Variants in PEAK1 observed in about 807,000 individuals in gnomAD.
The protein encoded by PEAK1 is pseudopodium enriched atypical kinase 1.
PEAK1 carries 54 observed loss-of-function variants against 124.7 expected under a neutral mutation model. That is an observed-to-expected ratio of 0.43 (90% confidence interval 0.35 to 0.54). The LOEUF (loss-of-function observed/expected upper bound fraction) is 0.54. Ranked by LOEUF, PEAK1 falls within the 20% of genes least tolerant of loss-of-function variation. The pLI is 0.01. For synonymous variants in PEAK1, 719 were observed against 760.0 expected (o/e 0.95, Z 0.89); for missense variants, 2,046 against 2,134.5 (o/e 0.96, Z 0.82).
intron 7 of PEAK1, among the ~76,000 whole-genome samples, chr15:77,172,343 C>T (rs2056568340): frequency 6.6e-6 from 1 of 152,178 alleles, no homozygotes; most frequent in African/African-American, 2.4e-5. Flanking sequence ...AACCATCAAT[C>T]TCATCAGAAG....
At position 77,112,684 on chromosome 15, in the gene PEAK1, C is replaced by G; in HGVS notation, c.*1472G>C. On this transcript the variant is annotated 3_prime_UTR_variant, in exon 10 of 10. Coordinates refer to ENST00000682557, the MANE Select transcript of PEAK1 (RefSeq NM_001385026.1). Reference sequence around the variant, plus strand: ...ATACACACACACACACACACACACACACACACACACACACACACACAACCC... The same window carrying G: ...ATACACACACACACACACACACACAGACACACACACACACACACACAACCC... 1 of 151,826 alleles carries G rather than the reference C, an allele frequency of 6.6e-6. No individual in the cohort carries two copies. Among genetic ancestry groups the G allele is most frequent in the Admixed American group, 6.6e-5 (1 of 15,212 alleles). The allele number at this position is 151,826 out of a possible 1,614,324, so 9.4% of individuals were successfully genotyped here.
intron 8 of PEAK1, 148 bp downstream of exon 8, chr15:77,158,355 T>G (rs2055338229): frequency 8.5e-6 from 6 of 708,936 alleles, no homozygotes; most frequent in Admixed American, 2.7e-5. Flanking sequence ...TCAGAACGTT[T>G]TTCTGATGTG....
At chr15:77,339,487 C>A (rs1417469515) in intron 2 of PEAK1, among the ~76,000 whole-genome samples, 3 of 152,088 alleles carry the variant, frequency 2.0e-5, no homozygotes, top group Admixed American at 6.6e-5. Flanking sequence ...AAAATTCACA[C>A]AAAATTAAAT....
At chr15:77,175,411 AAAC>A (rs1419017432) in intron 7 of PEAK1, among the ~76,000 whole-genome samples, 4 of 151,744 alleles carry the variant, frequency 2.6e-5, no homozygotes, top group East Asian at 1.9e-4. Context: ...TACAAGAAAA[AAAC>A]AAACAACCCC....
chr15:77,178,601 C>A (rs1596481742), intron 7 of PEAK1, 189 bp downstream of exon 7: 2 of 640,228 alleles, frequency 3.1e-6, no homozygotes, highest in Middle Eastern at 4.3e-4. Flanking sequence ...GGCTATAAAC[C>A]TTGTTCAGTG....
chr15:77,368,823 T>A (rs894496198), intron 1 of PEAK1, among the ~76,000 whole-genome samples: 2 of 152,156 alleles, frequency 1.3e-5, no homozygotes, highest in Non-Finnish European at 2.9e-5. Context: ...GGGGACTATA[T>A]GCACTAACTT....
chr15:77,366,342 G>T (rs1336975384), intron 1 of PEAK1, among the ~76,000 whole-genome samples: 1 of 152,162 alleles, frequency 6.6e-6, no homozygotes, highest in African/African-American at 2.4e-5. Flanking sequence ...CAACCCTGCT[G>T]ACATGTATTA....
intron 6 of PEAK1, among the ~76,000 whole-genome samples, chr15:77,184,770 G>T (rs2057454990): frequency 6.6e-6 from 1 of 152,144 alleles, no homozygotes; most frequent in South Asian, 2.1e-4. Context: ...GGTGGTGTAT[G>T]CCCGTAATCT....
rs559715921 is a variant in PEAK1, at chr15:77,322,034, A to G, written c.-602-35530T>C. Among the ~76,000 whole-genome samples the G allele has an allele frequency of 1.4e-3, 207 of 152,298 alleles. 1 individual carries two copies. The highest frequency in any genetic ancestry group is 2.3e-3 in the Non-Finnish European group (158 of 68,006). ...CAACCTGCTCCTGAATGACTACTGG[A>G]TACATAACGAAATGAAGGCAGAAAT... On this transcript the variant is annotated intron_variant, in intron 2 of 9. Coordinates refer to ENST00000682557, the MANE Select transcript of PEAK1 (RefSeq NM_001385026.1).
intron 5 of PEAK1, among the ~76,000 whole-genome samples, chr15:77,262,777 C>G (rs987714903): frequency 8.6e-5 from 13 of 151,920 alleles, no homozygotes; most frequent in Non-Finnish European, 1.5e-4. Flanking sequence ...CAGAACTCTC[C>G]ACCCCAAATC....
intron 8 of PEAK1, among the ~76,000 whole-genome samples, chr15:77,154,619 G>A (rs1057489103): frequency 1.5e-4 from 23 of 152,330 alleles, no homozygotes; most frequent in Middle Eastern, 3.4e-3. Flanking sequence ...TGCAGTGGCT[G>A]GAACTGGTTG....
intron 9 of PEAK1, among the ~76,000 whole-genome samples, chr15:77,127,959 A>G (rs567509352): frequency 1.3e-5 from 2 of 152,076 alleles, no homozygotes; most frequent in African/African-American, 4.8e-5. Flanking sequence ...GACGCCTGTA[A>G]TACCAGCTAC....
intron 7 of PEAK1, among the ~76,000 whole-genome samples, chr15:77,160,309 G>T (rs2055519022): frequency 6.6e-6 from 1 of 152,054 alleles, no homozygotes. Flanking sequence ...TTCAAGAAAG[G>T]GAAAATGTTT....
At chr15:77,242,693 G>C (rs1393376862) in intron 6 of PEAK1, among the ~76,000 whole-genome samples, 2 of 152,098 alleles carry the variant, frequency 1.3e-5, no homozygotes, top group African/African-American at 4.8e-5. Context: ...GTAGTTGCAG[G>C]TATGGTTTGC....
intron 2 of PEAK1, chr15:77,331,103 T>C: frequency 4.6e-6 from 3 of 658,734 alleles, no homozygotes; most frequent in Non-Finnish European, 5.6e-6. Context: ...TTGAATCAAT[T>C]TTCTATTTTA....
chr15:77,255,873 C>T (rs922374330), intron 5 of PEAK1, among the ~76,000 whole-genome samples: 8 of 152,042 alleles, frequency 5.3e-5, no homozygotes, highest in Non-Finnish European at 8.8e-5. Context: ...TATGCTAAGG[C>T]ACATCAGGTA....
At chr15:77,183,899 C>A (rs146845393) in intron 6 of PEAK1, among the ~76,000 whole-genome samples, 1 of 152,224 alleles carries the variant, frequency 6.6e-6, no homozygotes, top group African/African-American at 2.4e-5. Flanking sequence ...ATGATCACAG[C>A]TCACTGCAGC....
intron 8 of PEAK1, among the ~76,000 whole-genome samples, chr15:77,136,272 G>A (rs888506236): frequency 6.6e-6 from 1 of 152,192 alleles, no homozygotes; most frequent in Admixed American, 6.5e-5. Context: ...GAAGACTTAG[G>A]GTATCTGGCA....
chr15:77,395,695 A>G (rs2070825833), intron 1 of PEAK1, among the ~76,000 whole-genome samples: 1 of 152,200 alleles, frequency 6.6e-6, no homozygotes, highest in African/African-American at 2.4e-5. Flanking sequence ...TTTATCCTAG[A>G]GTAGTATATA....
Sources: gnomAD v4.1 joint callset for allele counts (sites outside exome capture counted in the v4.1 genomes callset) on GRCh38, gnomAD v4.1.1 for gene constraint, MANE v1.5 for transcripts, NCBI Gene and HGNC (gene_info 2026-07-23, HGNC 2026-07-21) for gene names.